The following PTPN3 variants were observed in gnomAD, a reference collection of about 807,000 sequenced individuals.
PTPN3 encodes the protein tyrosine-protein phosphatase non-receptor type 3.
A neutral mutation model predicts 132.7 loss-of-function variants in PTPN3; 96 were observed. That is an observed-to-expected ratio of 0.72 (90% CI 0.61 to 0.86). The LOEUF (loss-of-function observed/expected upper bound fraction) is 0.86, where lower values mean the gene tolerates loss of function less well. Ranked by LOEUF, PTPN3 falls within the 40% of genes least tolerant of loss-of-function variation. PTPN3 has a pLI of 0.00. For synonymous variants in PTPN3, 398 were observed against 429.0 expected (o/e 0.93, Z 0.89); for missense variants, 1,125 against 1,159.6 (o/e 0.97, Z 0.43).
At chr9:109,385,160 GT>G (rs1232129992) in intron 22 of PTPN3, among the ~76,000 whole-genome samples, 1 of 152,192 alleles carries the variant, frequency 6.6e-6, no homozygotes, top group African/African-American at 2.4e-5. Flanking sequence ...AATCTGAGCA[GT>G]ACTAGACTCT....
intron 22 of PTPN3, among the ~76,000 whole-genome samples, chr9:109,387,684 T>C (rs1405120175): frequency 1.3e-5 from 2 of 152,282 alleles, no homozygotes; most frequent in Non-Finnish European, 2.9e-5. Context: ...TGGAAAGCGG[T>C]GGTGCCAGAA....
the PTPN3 span, among the ~76,000 whole-genome samples, chr9:109,509,782 G>A: frequency 9.9e-3 from 1,507 of 152,252 alleles, 29 homozygotes; most frequent in African/African-American, 0.035. Flanking sequence ...AAGTTCCCTG[G>A]GTGGAGGTCA....
chr9:109,389,979 C>T (rs1451340297), intron 21 of PTPN3, among the ~76,000 whole-genome samples: 2 of 152,180 alleles, frequency 1.3e-5, no homozygotes, highest in Admixed American at 6.5e-5. Context: ...GACGAAAGAA[C>T]ACTCAGAACC....
intron 1 of PTPN3, among the ~76,000 whole-genome samples, chr9:109,471,751 T>G (rs942139387): frequency 1.3e-5 from 2 of 152,000 alleles, no homozygotes; most frequent in Non-Finnish European, 1.5e-5. Flanking sequence ...GCAATCCTCC[T>G]GCCTCAGGCA....
intron 2 of PTPN3, among the ~76,000 whole-genome samples, chr9:109,457,817 C>T (rs949735614): frequency 1.3e-5 from 2 of 152,140 alleles, no homozygotes; most frequent in African/African-American, 4.8e-5. Flanking sequence ...GAGAAGCCAC[C>T]GAAGTGCATG....
chr9:109,379,838 G>T (rs1838879741), intron 25 of PTPN3, among the ~76,000 whole-genome samples: 1 of 152,236 alleles, frequency 6.6e-6, no homozygotes, highest in African/African-American at 2.4e-5. Context: ...AAGTGTCATG[G>T]AGACATGACA....
At chr9:109,451,472 G>T in intron 5 of PTPN3, 1 of 886,748 alleles carries the variant, frequency 1.1e-6, no homozygotes, top group Non-Finnish European at 1.4e-6. Context: ...CTCATTCTGT[G>T]CTAAAATCTG....
intron 1 of PTPN3, among the ~76,000 whole-genome samples, chr9:109,468,028 A>G (rs1220875583): frequency 5.3e-5 from 8 of 152,222 alleles, no homozygotes; most frequent in African/African-American, 1.9e-4. Context: ...CCAATAATTG[A>G]GCCATGTGGT....
intron 19 of PTPN3, chr9:109,397,710 A>C (rs1840714349): frequency 6.6e-6 from 1 of 152,214 alleles, no homozygotes; most frequent in African/African-American, 2.4e-5. Context: ...TTCCAGGCAC[A>C]GTCCCAGATG....
At chr9:109,514,912 T>G in the PTPN3 span, among the ~76,000 whole-genome samples, 2 of 152,202 alleles carry the variant, frequency 1.3e-5, no homozygotes, top group Non-Finnish European at 2.9e-5. Flanking sequence ...CCCAGAAGAA[T>G]GAGAAAAAAT....
At chr9:109,529,470 AT>A in the PTPN3 span, among the ~76,000 whole-genome samples, 1 of 152,086 alleles carries the variant, frequency 6.6e-6, no homozygotes. Flanking sequence ...CTCCTCCTTA[AT>A]CCTTTTTCAC....
intron 1 of PTPN3, among the ~76,000 whole-genome samples, chr9:109,469,972 C>G (rs1846293993): frequency 6.6e-6 from 1 of 152,094 alleles, no homozygotes; most frequent in Non-Finnish European, 1.5e-5. Flanking sequence ...TATAGAAGCC[C>G]TTCTCCGTGG....
intron 14 of PTPN3, among the ~76,000 whole-genome samples, chr9:109,415,754 G>A (rs1842442403): frequency 6.6e-6 from 1 of 151,996 alleles, no homozygotes; most frequent in African/African-American, 2.4e-5. Context: ...GAAAGAAAAG[G>A]AGGAGTGAGG....
intron 1 of PTPN3, among the ~76,000 whole-genome samples, chr9:109,485,387 A>C (rs796771391): frequency 1.3e-5 from 2 of 152,118 alleles, no homozygotes; most frequent in Non-Finnish European, 2.9e-5. Context: ...GGGCGCCTGC[A>C]GTCCCAGCTA....
chr9:109,473,381 A>G (rs970492794), intron 1 of PTPN3, among the ~76,000 whole-genome samples: 1 of 152,206 alleles, frequency 6.6e-6, no homozygotes, highest in African/African-American at 2.4e-5. Flanking sequence ...TCAAAATGTC[A>G]AATAGTTTTC....
At chr9:109,519,039 T>C in the PTPN3 span, among the ~76,000 whole-genome samples, 2 of 151,954 alleles carry the variant, frequency 1.3e-5, no homozygotes, top group East Asian at 3.9e-4. Context: ...TAGTCTCCGG[T>C]AACATGACCA....
At chr9:109,451,312 G>C in intron 5 of PTPN3, 1 of 984,370 alleles carries the variant, frequency 1.0e-6, no homozygotes, top group South Asian at 4.7e-5. Flanking sequence ...TCCTGTTGCA[G>C]TAAGATAAAT....
chr9:109,410,129 G>C, intron 15 of PTPN3, 53 bp from the exon 16 acceptor site: 5 of 1,613,792 alleles, frequency 3.1e-6, no homozygotes, highest in Non-Finnish European at 4.2e-6. Flanking sequence ...TCCAGCAGTT[G>C]GTGATAAGAT....
chr9:109,449,858 G>A (rs1302489803), intron 5 of PTPN3: 7 of 985,246 alleles, frequency 7.1e-6, no homozygotes, highest in Admixed American at 6.1e-5. Flanking sequence ...CAAGGAACTG[G>A]CTTTTTGAGA....
Sources: allele counts gnomAD v4.1 joint callset (sites outside exome capture counted in the v4.1 genomes callset), GRCh38; gene constraint gnomAD v4.1.1; transcripts MANE v1.5; gene names NCBI Gene and HGNC (gene_info 2026-07-23, HGNC 2026-07-21).